The following SNCAIP variants were observed in gnomAD, a reference collection of about 807,000 sequenced individuals.
SNCAIP encodes the protein synuclein alpha interacting protein.
Under a neutral mutation model 86.7 loss-of-function variants are expected in SNCAIP, and 43 were observed. The observed-to-expected ratio is 0.50, with a 90% CI of 0.39 to 0.64. The LOEUF (loss-of-function observed/expected upper bound fraction) is 0.64. Ranked by LOEUF, SNCAIP falls within the 30% of genes least tolerant of loss-of-function variation. The pLI is 0.00. For missense variants in SNCAIP, 981 were observed against 1,103.1 expected, an observed-to-expected ratio of 0.89 and a Z score of 1.57; for synonymous variants, 417 against 427.2, an observed-to-expected ratio of 0.98 and a Z score of 0.29.
intron 3 of SNCAIP, among the ~76,000 whole-genome samples, chr5:122,417,838 G>T (rs532860972): frequency 6.6e-6 from 1 of 152,318 alleles, no homozygotes; most frequent in South Asian, 2.1e-4. Flanking sequence ...ATAAACACAA[G>T]TTGGTTCTCA....
chr5:122,435,448 T>C (rs1779214495), intron 6 of SNCAIP, among the ~76,000 whole-genome samples: 1 of 152,206 alleles, frequency 6.6e-6, no homozygotes, highest in Admixed American at 6.5e-5. Context: ...AGCCTCTGCC[T>C]GCTCTGCGCT....
chr5:122,434,847 G>A (rs1489013959), intron 6 of SNCAIP, among the ~76,000 whole-genome samples: 1 of 152,152 alleles, frequency 6.6e-6, no homozygotes, highest in Non-Finnish European at 1.5e-5. Flanking sequence ...TTCAGCATAT[G>A]CAAGTTTTTC....
chr5:122,330,988 A>G (rs1459471231), intron 1 of SNCAIP, among the ~76,000 whole-genome samples: 2 of 151,858 alleles, frequency 1.3e-5, no homozygotes, highest in African/African-American at 4.8e-5. Context: ...GGAGCGCACA[A>G]CCTAGATCCC....
intron 10 of SNCAIP, among the ~76,000 whole-genome samples, chr5:122,460,195 C>T (rs1785820487): frequency 6.6e-6 from 1 of 151,510 alleles, no homozygotes; most frequent in African/African-American, 2.4e-5. Context: ...GATCTTGGCT[C>T]ACAGCATCCT....
At chr5:122,312,983 T>C (rs1750929062) in intron 1 of SNCAIP, 1 of 152,402 alleles carries the variant, frequency 6.6e-6, no homozygotes, top group African/African-American at 2.4e-5. Context: ...ATTTCATTTT[T>C]ACGAAGAGAA....
At chr5:122,380,632 T>A (rs531240740) in intron 1 of SNCAIP, among the ~76,000 whole-genome samples, 12 of 149,486 alleles carry the variant, frequency 8.0e-5, no homozygotes, top group African/African-American at 3.0e-4. Context: ...ATTGTGATGT[T>A]AGGGTGTCAA....
chr5:122,366,882 AT>A (rs1763307259), intron 1 of SNCAIP, among the ~76,000 whole-genome samples: 1 of 152,082 alleles, frequency 6.6e-6, no homozygotes, highest in Non-Finnish European at 1.5e-5. Flanking sequence ...TCCTAGAATT[AT>A]TTTTTAGAAG....
chr5:122,437,228 G>A (rs3811888), intron 6 of SNCAIP: 43,898 of 152,058 alleles, frequency 0.29, 6,599 homozygotes, highest in African/African-American at 0.35. Context: ...GTGCCCTCTT[G>A]GCTGAAGAAA....
At chr5:122,416,903 A>G (rs562727976) in intron 3 of SNCAIP, among the ~76,000 whole-genome samples, 11 of 152,222 alleles carry the variant, frequency 7.2e-5, no homozygotes, top group Non-Finnish European at 1.3e-4. Flanking sequence ...GATGTGAGGT[A>G]TATTGTTGTG....
intron 5 of SNCAIP, 24 bp from the exon 6 acceptor site, chr5:122,431,945 C>G: frequency 8.9e-7 from 1 of 1,127,084 alleles, no homozygotes; most frequent in Non-Finnish European, 1.4e-6. Context: ...GAATTTCCAT[C>G]TCCCTTTCTT....
intron 2 of SNCAIP, among the ~76,000 whole-genome samples, chr5:122,397,718 G>A (rs976619836): frequency 1.3e-5 from 2 of 152,080 alleles, no homozygotes; most frequent in African/African-American, 4.8e-5. Context: ...TTGAAATTGG[G>A]GGTATAGTTA....
chr5:122,335,262 TTGTG>T (rs758052469), intron 1 of SNCAIP, among the ~76,000 whole-genome samples: 1 of 152,178 alleles, frequency 6.6e-6, no homozygotes, highest in East Asian at 1.9e-4. Flanking sequence ...GATAGGCTTT[TTGTG>T]TGTGTGACAT....
intron 2 of SNCAIP, among the ~76,000 whole-genome samples, chr5:122,394,926 C>G (rs1372762252): frequency 2.0e-5 from 3 of 152,106 alleles, no homozygotes; most frequent in Non-Finnish European, 4.4e-5. Flanking sequence ...AAAATTGAGG[C>G]TTAGAGAGCT....
intron 5 of SNCAIP, among the ~76,000 whole-genome samples, chr5:122,429,479 C>A (rs1474217514): frequency 6.7e-6 from 1 of 149,062 alleles, no homozygotes; most frequent in Non-Finnish European, 1.5e-5. Flanking sequence ...AAATAGAAGA[C>A]CTACATTACT....
chr5:122,337,467 G>C (rs1414754367), intron 1 of SNCAIP, among the ~76,000 whole-genome samples: 1 of 152,012 alleles, frequency 6.6e-6, no homozygotes, highest in East Asian at 1.9e-4. Context: ...TGAATCACAT[G>C]ACAAGTGATG....
chr5:122,330,208 G>T (rs1029152995), intron 1 of SNCAIP, among the ~76,000 whole-genome samples: 1 of 137,152 alleles, frequency 7.3e-6, no homozygotes, highest in African/African-American at 2.8e-5. Flanking sequence ...TGCAAGCTCC[G>T]CCTCCCGGGT....
intron 2 of SNCAIP, chr5:122,401,227 C>A: frequency 8.6e-7 from 1 of 1,156,710 alleles, no homozygotes; most frequent in Non-Finnish European, 1.2e-6. Flanking sequence ...GATGGTAGCA[C>A]AATGCATACT....
intron 1 of SNCAIP, chr5:122,371,927 T>C (rs1242591523): frequency 6.6e-6 from 1 of 152,164 alleles, no homozygotes; most frequent in Non-Finnish European, 1.5e-5. Context: ...GGGGTTTCTA[T>C]TTGACTGATA....
At chr5:122,385,670 C>CGTATGTGTGTGTGTGTGTGT (rs1767971171) in intron 1 of SNCAIP, among the ~76,000 whole-genome samples, 1 of 144,552 alleles carries the variant, frequency 6.9e-6, no homozygotes, top group Non-Finnish European at 1.5e-5. Flanking sequence ...CGTGTGCGCA[C>CGTATGTGTGTGTGTGTGTGT]GTATGTGTGT....
Sources: gnomAD v4.1 joint callset for allele counts (sites outside exome capture counted in the v4.1 genomes callset) on GRCh38, gnomAD v4.1.1 for gene constraint, MANE v1.5 for transcripts, NCBI Gene and HGNC (gene_info 2026-07-23, HGNC 2026-07-21) for gene names.